SMYD3: variants seen among roughly 807,000 people sequenced by gnomAD.
SMYD3 encodes SET and MYND domain containing 3.
A neutral mutation model predicts 57.7 loss-of-function variants in SMYD3; 36 were observed. The ratio of observed to expected loss-of-function variants is 0.62; its 90% confidence interval spans 0.48 to 0.82. SMYD3 has a LOEUF of 0.82. Among genes scored for constraint, SMYD3 ranks in the 40% least tolerant of loss-of-function variants. The pLI is 0.00. For synonymous variants in SMYD3, 211 were observed against 195.0 expected (o/e 1.08, Z -0.68); for missense variants, 515 against 538.8 (o/e 0.96, Z 0.44).
intron 5 of SMYD3, among the ~76,000 whole-genome samples, chr1:246,256,118 G>C (rs536851176): frequency 3.3e-4 from 51 of 152,290 alleles, no homozygotes; most frequent in African/African-American, 1.2e-3. Context: ...AGGAGAGCCA[G>C]TTCAAGTTCC....
intron 1 of SMYD3, among the ~76,000 whole-genome samples, chr1:246,363,476 A>G (rs1406837628): frequency 6.6e-6 from 1 of 152,114 alleles, no homozygotes; most frequent in East Asian, 1.9e-4. Flanking sequence ...TGTGGAATAG[A>G]AAAGGGGGAA....
intron 1 of SMYD3, among the ~76,000 whole-genome samples, chr1:246,395,470 T>C (rs1293217187): frequency 6.6e-6 from 1 of 152,250 alleles, no homozygotes; most frequent in Non-Finnish European, 1.5e-5. Flanking sequence ...ATTTCAATCA[T>C]CCTCACGGGT....
At chr1:245,983,062 G>A (rs777008861) in intron 5 of SMYD3, among the ~76,000 whole-genome samples, 1 of 152,180 alleles carries the variant, frequency 6.6e-6, no homozygotes, top group Non-Finnish European at 1.5e-5. Context: ...TCTGCATGAT[G>A]GTAGATGACT....
chr1:245,860,401 T>C (rs2051474780), intron 9 of SMYD3, among the ~76,000 whole-genome samples: 1 of 152,150 alleles, frequency 6.6e-6, no homozygotes, highest in Admixed American at 6.5e-5. Context: ...CAAATACTTC[T>C]AATAAACCAA....
intron 10 of SMYD3, among the ~76,000 whole-genome samples, chr1:245,806,791 T>A (rs1453177017): frequency 1.3e-5 from 2 of 150,928 alleles, no homozygotes; most frequent in East Asian, 3.9e-4. Flanking sequence ...GCGCCTGTAG[T>A]CCCAGCTACT....
chr1:245,808,757 CT>C (rs35958353), intron 10 of SMYD3, among the ~76,000 whole-genome samples: 3 of 148,662 alleles, frequency 2.0e-5, no homozygotes, highest in Admixed American at 6.7e-5. Context: ...GTTGTGATTT[CT>C]TTTTTTTTTA....
At chr1:246,148,482 A>G (rs997143160) in intron 5 of SMYD3, among the ~76,000 whole-genome samples, 1 of 151,886 alleles carries the variant, frequency 6.6e-6, no homozygotes, top group Non-Finnish European at 1.5e-5. Context: ...CATCTTCTTC[A>G]CCTTCCACTT....
chr1:246,465,159 A>C lies in SMYD3; in HGVS notation c.164+41895T>G, dbSNP rs138539677. 2.0e-3 allele frequency among the ~76,000 whole-genome samples: 303 copies of C among 152,300 alleles called. 2 individuals carry two copies. The highest frequency in any genetic ancestry group is 6.7e-3 in the African/African-American group (279 of 41,560). On this transcript the variant is annotated intron_variant, in intron 1 of 11. Transcript: ENST00000490107. Reference sequence around the variant, plus strand: ...CTAAACCTCTTTTTTTGTTTTCCAGATGCTACTATCCTTCAAGATGGTAAT... The same window carrying C: ...CTAAACCTCTTTTTTTGTTTTCCAGCTGCTACTATCCTTCAAGATGGTAAT...
At chr1:246,238,497 T>G (rs2063546859) in intron 5 of SMYD3, among the ~76,000 whole-genome samples, 1 of 152,194 alleles carries the variant, frequency 6.6e-6, no homozygotes, top group Non-Finnish European at 1.5e-5. Context: ...CAGGCAGCAT[T>G]CACAATATTA....
intron 10 of SMYD3, among the ~76,000 whole-genome samples, chr1:245,854,388 C>A (rs1429093353): frequency 6.6e-6 from 1 of 152,066 alleles, no homozygotes; most frequent in Non-Finnish European, 1.5e-5. Context: ...CCTATGGATT[C>A]AATTAATCAT....
intron 5 of SMYD3, among the ~76,000 whole-genome samples, chr1:246,083,970 T>C (rs760068139): frequency 6.6e-6 from 1 of 152,176 alleles, no homozygotes; most frequent in Non-Finnish European, 1.5e-5. Flanking sequence ...TATATTCTTT[T>C]AAATATTGGA....
rs530745702 is a variant in SMYD3, at chr1:246,306,016, A to G, written c.531+21185T>C. ...CTCTCTTGGTGGCACCACAAAATAT[A>G]TTTCTGCTCCTGTCTTCATTACAAA... On this transcript the variant is annotated intron_variant, in intron 5 of 11. Transcript: ENST00000490107. The G allele has an allele frequency of 7.6e-4, 115 of 152,276 alleles. 1 individual carries two copies. Among genetic ancestry groups the G allele is most frequent in the African/African-American group, 2.6e-3 (110 of 41,554 alleles). 9.4% of individuals were successfully genotyped at this position (152,276 alleles called of 1,614,324 possible).
chr1:246,170,801 TCATCTACA>T (rs924203493), intron 5 of SMYD3, among the ~76,000 whole-genome samples: 11 of 152,218 alleles, frequency 7.2e-5, no homozygotes, highest in Admixed American at 2.0e-4. Context: ...CTCAGTCTTA[TCATCTACA>T]AACATACTAT....
chr1:245,948,558 C>T (rs2057503596), intron 5 of SMYD3, among the ~76,000 whole-genome samples: 1 of 152,144 alleles, frequency 6.6e-6, no homozygotes, highest in Non-Finnish European at 1.5e-5. Context: ...TTGTGCTGGG[C>T]CCCACATACT....
chr1:246,076,935 C>T (rs937995339), intron 5 of SMYD3, among the ~76,000 whole-genome samples: 1 of 152,102 alleles, frequency 6.6e-6, no homozygotes, highest in African/African-American at 2.4e-5. Flanking sequence ...ACAAAGCTGA[C>T]TGTTTCATGA....
chr1:245,827,745 A>G (rs887529837), intron 10 of SMYD3, among the ~76,000 whole-genome samples: 2 of 152,210 alleles, frequency 1.3e-5, no homozygotes, highest in African/African-American at 4.8e-5. Context: ...AATTTATGCA[A>G]TCTAAGAGCT....
In SMYD3 at chr1:246,281,114, T is replaced by C. The variant is rs576867394; in HGVS notation, c.531+46087A>G. On this transcript the variant is annotated intron_variant, in intron 5 of 11. Coordinates refer to ENST00000490107, the MANE Select transcript of SMYD3 (RefSeq NM_001167740.2). ...ATCACAGCACCTGCCCTCCAGGTAC[T>C]TACAGGCATTTATGAGTCATTGAAA... Among the ~76,000 whole-genome samples, 12 of 152,336 alleles carry C rather than the reference T, an allele frequency of 7.9e-5. No individual in the cohort carries two copies. The South Asian group carries it at 1.5e-3, about 18-fold the overall frequency.
At chr1:246,041,133 T>C (rs997052983) in intron 5 of SMYD3, among the ~76,000 whole-genome samples, 4 of 152,212 alleles carry the variant, frequency 2.6e-5, no homozygotes, top group Non-Finnish European at 4.4e-5. Context: ...TTCGGGTTTA[T>C]AGCCCAGGAG....
chr1:246,329,187 G>A (rs2065415695), intron 4 of SMYD3, among the ~76,000 whole-genome samples: 2 of 152,260 alleles, frequency 1.3e-5, no homozygotes, highest in South Asian at 4.1e-4. Flanking sequence ...ATGATTTATA[G>A]TCCTTTGGGT....
Sources: allele counts gnomAD v4.1 joint callset (sites outside exome capture counted in the v4.1 genomes callset), GRCh38; gene constraint gnomAD v4.1.1; transcripts MANE v1.5; gene names NCBI Gene and HGNC (gene_info 2026-07-23, HGNC 2026-07-21).